Variants in KLHL23 observed in about 807,000 individuals in gnomAD.
KLHL23 encodes kelch like family member 23, also known as kelch-like protein 23.
KLHL23 carries 33 observed loss-of-function variants against 48.9 expected under a neutral mutation model. The observed-to-expected ratio is 0.67, with a 90% CI of 0.51 to 0.90. The LOEUF is 0.90. KLHL23 is among the 40% of genes least tolerant of loss of function. The pLI, the probability that KLHL23 is intolerant of heterozygous loss-of-function variation, is 0.00. For synonymous variants in KLHL23, 234 were observed against 231.6 expected (o/e 1.01, Z -0.09); for missense variants, 608 against 669.6 (o/e 0.91, Z 1.02).
chr2:169,742,815 G>A (rs6750837), intron 3 of KLHL23, among the ~76,000 whole-genome samples: 64,413 of 152,052 alleles, frequency 0.42, 14,866 homozygotes, highest in African/African-American at 0.62. Context: ...GCTGTGATCA[G>A]TGAAGTTATA....
chr2:169,735,377 A>G lies in KLHL23; in HGVS notation c.363A>G (p.Ser121=), dbSNP rs777576456. 4 of 1,612,816 alleles carry G rather than the reference A, an allele frequency of 2.5e-6. No individual in the cohort carries two copies. The highest frequency in any genetic ancestry group is 3.4e-6 in the Non-Finnish European group (4 of 1,179,742). ...LEAADLLQFL[S]VKKACERFLV... is the part of the protein sequence containing the mutation. ...CAGCGGATCTGCTACAGTTCCTTTC[A>G]GTAAAGAAGGCTTGTGAGCGGTTTT... The change falls in exon 2 of 4, where the codon TCA becomes TCG. Residue 121 remains serine, a synonymous_variant. Transcript: ENST00000392647. This position sits in a 1 kb window ranked among gnomAD's most constrained non-coding sequence, Gnocchi z 4.5.
intron 3 of KLHL23, among the ~76,000 whole-genome samples, chr2:169,745,105 C>T (rs1207923160): frequency 1.1e-4 from 17 of 150,634 alleles, no homozygotes; most frequent in South Asian, 2.1e-4. Context: ...TTAGTAGAGA[C>T]GGGGTTTCAC....
At chr2:169,745,218 G>A (rs766501188) in intron 3 of KLHL23, among the ~76,000 whole-genome samples, 1 of 151,938 alleles carries the variant, frequency 6.6e-6, no homozygotes, top group Non-Finnish European at 1.5e-5. Context: ...CTGGTTTTAA[G>A]AAGAGAACTC....
intron 3 of KLHL23, among the ~76,000 whole-genome samples, chr2:169,748,768 ACCGCC>A (rs764872833): frequency 1.5e-4 from 1 of 6,648 alleles, no homozygotes; most frequent in African/African-American, 4.6e-4. Context: ...TAGGAGGAGG[ACCGCC>A]CCCCCCCCCC....
rs546480015 is a variant in KLHL23 at position 169,748,961 on chromosome 2, C to A, written c.1367-461C>A. Among the ~76,000 whole-genome samples the A allele has an allele frequency of 2.0e-5, 3 of 152,324 alleles. No homozygotes were observed. In the South Asian group the frequency reaches 6.2e-4, roughly 32 times the overall value. On this transcript the variant is annotated intron_variant, in intron 3 of 3. Transcript: ENST00000392647. ...AGTGTGAGAAGCACACAAGGCCACC[C>A]TGTGTGGCACCTGTGACAGCAGGCA... is the stretch of plus-strand genomic sequence containing the variant.
chr2:169,734,941 G>C, intron 1 of KLHL23, 72 bp from the exon 2 acceptor site: 2 of 1,487,286 alleles, frequency 1.3e-6, no homozygotes, highest in Non-Finnish European at 8.9e-7. Flanking sequence ...TGATAGTCAA[G>C]TTATTTAGCG....
intron 2 of KLHL23, among the ~76,000 whole-genome samples, chr2:169,740,791 T>TATATATATATATATATATATATATATATA (rs1291405019): frequency 6.4e-5 from 9 of 140,240 alleles, no homozygotes; most frequent in African/African-American, 2.5e-4. Context: ...TATATATATA[T>TATATATATATATATATATATATATATATA]AACTTATTTA....
Position 169,735,560 on chromosome 2 carries a change from GTTTCTC to G in KLHL23, c.550_555del (p.Leu184_Phe185del). On this transcript the variant is annotated inframe_deletion, in exon 2 of 4. Coordinates refer to ENST00000392647, the MANE Select transcript of KLHL23 (RefSeq NM_144711.6). This position sits in a 1 kb window ranked among gnomAD's most constrained non-coding sequence, Gnocchi z 4.5. Reference sequence around the variant, plus strand: ...AATTTCTGGAAATCAGCCTTGAAAAGTTTCTCTTTATCTTGTCCAGAAAGAATCTCA... The same window carrying G: ...AATTTCTGGAAATCAGCCTTGAAAAGTTTATCTTGTCCAGAAAGAATCTCA... 6.2e-7 allele frequency: 1 copy of G among 1,613,644 alleles called. No homozygotes were observed. The highest frequency in any genetic ancestry group is 8.5e-7 in the Non-Finnish European group (1 of 1,179,940).
At chr2:169,748,776 C>A (rs1362350031) in intron 3 of KLHL23, among the ~76,000 whole-genome samples, 1 of 4,884 alleles carries the variant, frequency 2.0e-4, no homozygotes, top group African/African-American at 1.0e-3. Flanking sequence ...GGACCGCCCC[C>A]CCCCCCCCCC....
intron 2 of KLHL23, among the ~76,000 whole-genome samples, chr2:169,738,852 CTCACCCTCCCCTCTCTTCCCCCTT>C (rs1688589207): frequency 6.8e-4 from 2 of 2,952 alleles, no homozygotes; most frequent in African/African-American, 1.4e-3. Context: ...CCTCCCCTTC[CTCACCCTCCCCTCTCTTCCCCCTT>C]CCCCTCCCTC....
rs1213402019 is a variant in KLHL23, at chr2:169,751,599, G to C, written c.*1867G>C. The C allele has an allele frequency of 6.6e-6, 1 of 152,156 alleles. No individual in the cohort carries two copies. The highest frequency in any genetic ancestry group is 2.4e-5 in the African/African-American group (1 of 41,438). The allele number at this position is 152,156 out of a possible 1,614,324, so 9.4% of individuals were successfully genotyped here. On this transcript the variant is annotated 3_prime_UTR_variant, in exon 4 of 4. Coordinates refer to ENST00000392647, the MANE Select transcript of KLHL23 (RefSeq NM_144711.6). ...ATTGGGGAAAAAAACTCCATGTCAAGAAAGTGGGATAAGAAAAATAGTGAA... is the reference window on the plus strand; with the variant it reads ...ATTGGGGAAAAAAACTCCATGTCAACAAAGTGGGATAAGAAAAATAGTGAA...
Position 169,751,373 on chromosome 2 carries a change from TTAATG to T in KLHL23, c.*1642_*1646del, listed in dbSNP as rs1204375510. ...TTAAAAAAAATTTAGAAGGAAAATTTTAATGCATTTATTTCAGATGGCGTTTTAAA... is the reference window on the plus strand; with the variant it reads ...TTAAAAAAAATTTAGAAGGAAAATTTCATTTATTTCAGATGGCGTTTTAAA... On this transcript the variant is annotated 3_prime_UTR_variant, in exon 4 of 4. Transcript: ENST00000392647. 10 of 152,232 alleles carry T rather than the reference TTAATG, an allele frequency of 6.6e-5. No homozygotes were observed. The highest frequency in any genetic ancestry group is 1.9e-4 in the African/African-American group (8 of 41,464). 9.4% of individuals were successfully genotyped at this position (152,232 alleles called of 1,614,324 possible). A position where few individuals can be genotyped will look rare whatever the true frequency, so the allele number is the denominator to read the frequency against.
At chr2:169,734,315 G>A (rs1433957812) in intron 1 of KLHL23, among the ~76,000 whole-genome samples, 1 of 147,648 alleles carries the variant, frequency 6.8e-6, no homozygotes, top group African/African-American at 2.4e-5. Flanking sequence ...CGGGCAGAGG[G>A]ACGCGGGCAC....
rs1338330586 is a variant in KLHL23, at chr2:169,750,265, C to T, written c.*533C>T. 1.3e-5 allele frequency: 2 copies of T among 153,100 alleles called. No individual in the cohort carries two copies. The highest frequency in any genetic ancestry group is 4.8e-5 in the African/African-American group (2 of 41,330). 9.5% of individuals were successfully genotyped at this position (153,100 alleles called of 1,614,324 possible). A position where few individuals can be genotyped will look rare whatever the true frequency, so the allele number is the denominator to read the frequency against. On this transcript the variant is annotated 3_prime_UTR_variant, in exon 4 of 4. Transcript: ENST00000392647. ...GAACTACCTTTGTAGTGAATCTTTT[C>T]CTCTTGGTAGCATCAACACTGGGGA...
chr2:169,745,441 A>G (rs1001115117), intron 3 of KLHL23, among the ~76,000 whole-genome samples: 9 of 132,270 alleles, frequency 6.8e-5, no homozygotes, highest in Non-Finnish European at 1.4e-4. Context: ...TGAACCCGGG[A>G]GGCAGAGCTT....
At position 169,750,150 on chromosome 2, in the gene KLHL23, A is replaced by C. The variant is rs199777191; in HGVS notation, c.*418A>C. On this transcript the variant is annotated 3_prime_UTR_variant, in exon 4 of 4. Transcript: ENST00000392647. ...TACACATATATACGTATATATGTGT[A>C]TATATATACACAGTTGAATCAGTGG... is the stretch of plus-strand genomic sequence containing the variant. 1.3e-5 allele frequency: 2 copies of C among 150,998 alleles called. No individual in the cohort carries two copies. Among genetic ancestry groups the C allele is most frequent in the East Asian group, 4.0e-4 (2 of 5,062 alleles). The allele number at this position is 150,998 out of a possible 1,614,324, so 9.4% of individuals were successfully genotyped here. A position where few individuals can be genotyped will look rare whatever the true frequency, so the allele number is the denominator to read the frequency against.
chr2:169,749,466 G>A lies in KLHL23; in HGVS notation c.1411G>A (p.Val471Ile). ...SVPFENKLYL[V>I]GGQTTITECY... Reference sequence around the variant, plus strand: ...TCCGTTTGAAAATAAGCTCTATCTAGTCGGCGGACAAACTACAATCACAGA... The same window carrying A: ...TCCGTTTGAAAATAAGCTCTATCTAATCGGCGGACAAACTACAATCACAGA... The change falls in exon 4 of 4, where the codon GTC becomes ATC. Residue 471 changes from valine to isoleucine, a missense_variant. Transcript: ENST00000392647. 1 of 1,613,906 alleles carries A rather than the reference G, an allele frequency of 6.2e-7. No homozygotes were observed. The highest frequency in any genetic ancestry group is 8.5e-7 in the Non-Finnish European group (1 of 1,179,936).
chr2:169,735,513 A>G lies in KLHL23; in HGVS notation c.499A>G (p.Lys167Glu), dbSNP rs1688488152. Residue 167 changes from lysine (K) to glutamate (E), a missense_variant, in exon 2 of 4, where the codon AAG becomes GAG. Around this residue, in one of 3 missense-constraint regions of KLHL23, gnomAD observed 419 missense variants for 473.1 expected, o/e 0.89. Coordinates refer to ENST00000392647, the MANE Select transcript of KLHL23 (RefSeq NM_144711.6). The surrounding 1 kb of genome is among the most constrained non-coding windows in gnomAD (Gnocchi z 4.5). ...TCGAAGAATTCTATGTTCAAAGTTT[A>G]AGGAAGTGTGGCAACAAGAAGAATT... is the stretch of plus-strand genomic sequence containing the variant. The part of the protein sequence containing the change: ...ESRRILCSKF[K>E]EVWQQEEFLE... 2.5e-6 allele frequency: 4 copies of G among 1,614,016 alleles called. No individual in the cohort carries two copies. The highest frequency in any genetic ancestry group is 2.2e-5 in the South Asian group (2 of 91,048).
At chr2:169,748,778 C>CCCT (rs1688868441) in intron 3 of KLHL23, among the ~76,000 whole-genome samples, 1 of 134,660 alleles carries the variant, frequency 7.4e-6, no homozygotes, top group South Asian at 2.9e-4. Flanking sequence ...ACCGCCCCCC[C>CCCT]CCCCCCCCAT....
Sources: allele counts gnomAD v4.1 joint callset (sites outside exome capture counted in the v4.1 genomes callset), GRCh38; gene constraint gnomAD v4.1.1; regional missense constraint gnomAD v4.1.1; non-coding constraint Gnocchi (gnomAD v3.1); transcripts MANE v1.5; gene names NCBI Gene and HGNC (gene_info 2026-07-23, HGNC 2026-07-21).